Variants in STRBP observed in about 807,000 individuals in gnomAD.
The protein encoded by STRBP is spermatid perinuclear RNA binding protein.
In STRBP, 13 loss-of-function variants were observed where a neutral mutation model predicts 80.1. That is an observed-to-expected ratio of 0.16 (90% confidence interval 0.11 to 0.26). The LOEUF (loss-of-function observed/expected upper bound fraction) is 0.26, where lower values mean the gene tolerates loss of function less well. Among genes scored for constraint, STRBP ranks in the 10% least tolerant of loss-of-function variants. STRBP has a pLI of 1.00. For missense variants in STRBP, 485 were observed against 815.2 expected (o/e 0.59, Z 4.93); for synonymous variants, 284 against 291.2 (o/e 0.98, Z 0.25).
At chr9:123,168,724 T>C (rs1203422416) in intron 6 of STRBP, among the ~76,000 whole-genome samples, 2 of 152,132 alleles carry the variant, frequency 1.3e-5, no homozygotes, top group Admixed American at 1.3e-4. Context: ...TAAATTGTCA[T>C]GACAGAGTAG....
intron 2 of STRBP, among the ~76,000 whole-genome samples, chr9:123,236,253 C>T (rs1588143003): frequency 1.3e-5 from 2 of 152,262 alleles, no homozygotes; most frequent in East Asian, 1.9e-4. Flanking sequence ...TTTCACAATA[C>T]ATGCTACTTA....
chr9:123,223,049 TGATAGATAGATAGATA>T lies in STRBP; in HGVS notation c.-165+13765_-165+13780del, dbSNP rs33997248. On this transcript the variant is annotated intron_variant, in intron 2 of 18. Transcript: ENST00000348403. ...CATGAAGGAAGCTCAGATAGATAGA[TGATAGATAGATAGATA>T]GATAGATAGATAGATAGATAGATAG... Among the ~76,000 whole-genome samples, 1,060 of 147,996 alleles carry T rather than the reference TGATAGATAGATAGATA, an allele frequency of 7.2e-3. 3 individuals are homozygous for T. Among genetic ancestry groups the T allele is most frequent in the Non-Finnish European group, 9.4e-3 (633 of 67,048 alleles).
chr9:123,250,332 A>G (rs1394059603), intron 1 of STRBP, among the ~76,000 whole-genome samples: 2 of 152,208 alleles, frequency 1.3e-5, no homozygotes, highest in Non-Finnish European at 2.9e-5. Context: ...AAACAATGCT[A>G]GTCTTCTCAC....
intron 4 of STRBP, among the ~76,000 whole-genome samples, chr9:123,175,557 A>C (rs192519124): frequency 6.6e-6 from 1 of 152,346 alleles, no homozygotes; most frequent in African/African-American, 2.4e-5. Flanking sequence ...AAATATAGAA[A>C]TAAAAAGCAT....
chr9:123,252,028 AT>A (rs71390423), intron 1 of STRBP, among the ~76,000 whole-genome samples: 5,715 of 143,922 alleles, frequency 0.04, 205 homozygotes, highest in African/African-American at 0.1. Context: ...AGCACCATCT[AT>A]TTTTTTTTTT....
At chr9:123,218,355 C>CTTTTTTTTTT (rs10689260) in intron 2 of STRBP, among the ~76,000 whole-genome samples, 2 of 102,436 alleles carry the variant, frequency 2.0e-5, no homozygotes, top group African/African-American at 8.8e-5. Flanking sequence ...TTAAATATGA[C>CTTTTTTTTTT]TTTTTTTTTT....
intron 2 of STRBP, among the ~76,000 whole-genome samples, chr9:123,208,607 C>G (rs536540133): frequency 6.6e-6 from 1 of 152,306 alleles, no homozygotes; most frequent in East Asian, 1.9e-4. Context: ...ACAACATATA[C>G]ATGAATAAGT....
intron 6 of STRBP, among the ~76,000 whole-genome samples, chr9:123,169,355 G>A (rs934062000): frequency 5.9e-5 from 9 of 151,934 alleles, no homozygotes; most frequent in Admixed American, 1.3e-4. Context: ...ATTTTCAGTA[G>A]AGACGGGGTT....
chr9:123,264,481 A>T (rs1042801174), intron 1 of STRBP, among the ~76,000 whole-genome samples: 1 of 152,266 alleles, frequency 6.6e-6, no homozygotes, highest in African/African-American at 2.4e-5. Context: ...ACATTTGACC[A>T]GTCTAAAAAC....
intron 3 of STRBP, among the ~76,000 whole-genome samples, chr9:123,182,884 C>T (rs562173781): frequency 1.5e-4 from 23 of 151,916 alleles, no homozygotes; most frequent in African/African-American, 4.3e-4. Flanking sequence ...TGGTGGCATG[C>T]GCCTATAAGG....
chr9:123,186,818 CT>C (rs201967090), intron 2 of STRBP, among the ~76,000 whole-genome samples: 115 of 42,102 alleles, frequency 2.7e-3, no homozygotes, highest in African/African-American at 4.6e-3. Flanking sequence ...AAGAGTTTTT[CT>C]TTTTTTAAAA....
At chr9:123,216,170 C>T (rs1422303599) in intron 2 of STRBP, among the ~76,000 whole-genome samples, 2 of 152,184 alleles carry the variant, frequency 1.3e-5, no homozygotes, top group Admixed American at 6.5e-5. Context: ...TACCCCCTTC[C>T]TAATCCTTTG....
At chr9:123,258,022 C>T (rs1038600282) in intron 1 of STRBP, among the ~76,000 whole-genome samples, 1 of 151,892 alleles carries the variant, frequency 6.6e-6, no homozygotes, top group Admixed American at 6.6e-5. Context: ...AACAGAAATA[C>T]AGCAAAAAGA....
chr9:123,159,963 T>C (rs1285570952), intron 8 of STRBP, among the ~76,000 whole-genome samples: 2 of 152,200 alleles, frequency 1.3e-5, no homozygotes, highest in Admixed American at 6.5e-5. Flanking sequence ...AGGATCCTTA[T>C]ACCGGCCTAT....
At chr9:123,142,755 T>TC (rs1158957727) in intron 13 of STRBP, among the ~76,000 whole-genome samples, 1 of 152,134 alleles carries the variant, frequency 6.6e-6, no homozygotes, top group Non-Finnish European at 1.5e-5. Flanking sequence ...TTTTTTTTTT[T>TC]ACTGTTTTAA....
intron 2 of STRBP, among the ~76,000 whole-genome samples, chr9:123,221,019 A>ATT (rs1014360867): frequency 1.3e-5 from 2 of 152,072 alleles, no homozygotes; most frequent in African/African-American, 4.8e-5. Flanking sequence ...GTTTATAGAG[A>ATT]TTTTTTTTAA....
At chr9:123,257,238 G>A (rs1588161782) in intron 1 of STRBP, among the ~76,000 whole-genome samples, 2 of 152,036 alleles carry the variant, frequency 1.3e-5, no homozygotes, top group Admixed American at 1.3e-4. Context: ...CCCTCCATAT[G>A]GAATTCTCTT....
Position 123,122,653 on chromosome 9 carries a change from A to G in STRBP, c.*2944T>C, listed in dbSNP as rs2035769013. On this transcript the variant is annotated 3_prime_UTR_variant, in exon 19 of 19. Coordinates refer to ENST00000348403, the MANE Select transcript of STRBP (RefSeq NM_018387.5). ...TGCACAAGAGATGGGGTACTCCTGCAGCCTGAAGAAACACAAGCTGCAAGC... is the reference window on the plus strand; with the variant it reads ...TGCACAAGAGATGGGGTACTCCTGCGGCCTGAAGAAACACAAGCTGCAAGC... 3 of 1,022,700 alleles carry G rather than the reference A, an allele frequency of 2.9e-6. No homozygotes were observed. Among genetic ancestry groups the G allele is most frequent in the Non-Finnish European group, 3.5e-6 (3 of 853,960 alleles). The allele number at this position is 1,022,700 out of a possible 1,614,324, so 63.4% of individuals were successfully genotyped here. A position where few individuals can be genotyped will look rare whatever the true frequency, so the allele number is the denominator to read the frequency against.
Position 123,204,759 on chromosome 9 carries a change from T to C in STRBP, c.-164-20461A>G, listed in dbSNP as rs534590354. Reference sequence around the variant, plus strand: ...AGTAAAACCCCGTCTCTACTAAAAATACAGAAAAAAAAAAATTAGCCAGGC... The same window carrying C: ...AGTAAAACCCCGTCTCTACTAAAAACACAGAAAAAAAAAAATTAGCCAGGC... On this transcript the variant is annotated intron_variant, in intron 2 of 18. Transcript: ENST00000348403. Among the ~76,000 whole-genome samples, 18 of 145,822 alleles carry C rather than the reference T, an allele frequency of 1.2e-4. No homozygotes were observed. In the South Asian group the frequency reaches 3.9e-3, roughly 31 times the overall value.
Sources: gnomAD v4.1 joint callset for allele counts (sites outside exome capture counted in the v4.1 genomes callset) on GRCh38, gnomAD v4.1.1 for gene constraint, MANE v1.5 for transcripts, NCBI Gene and HGNC (gene_info 2026-07-23, HGNC 2026-07-21) for gene names.